Variants in TNIP3 observed in about 807,000 individuals in gnomAD.
TNIP3 encodes the protein TNFAIP3-interacting protein 3.
TNIP3 carries 34 observed loss-of-function variants against 54.1 expected under a neutral mutation model. The observed-to-expected ratio is 0.63, with a 90% confidence interval of 0.48 to 0.84. TNIP3 has a LOEUF of 0.84. TNIP3 is among the 40% of genes least tolerant of loss of function. The pLI is 0.00. For missense variants in TNIP3, 366 were observed against 387.6 expected (o/e 0.94, Z 0.47); for synonymous variants, 134 against 136.8 (o/e 0.98, Z 0.14).
Position 121,150,168 on chromosome 4 carries a change from T to A in TNIP3, c.544A>T (p.Arg182Trp). 2 of 1,613,918 alleles carry A rather than the reference T, an allele frequency of 1.2e-6. No homozygotes were observed. Among genetic ancestry groups the A allele is most frequent in the South Asian group, 2.2e-5 (2 of 91,038 alleles). The stretch of plus-strand genomic sequence containing the variant: ...TGGCAGAATTCCACTCGAGACTTCC[T>A]CAAACAGTCCTCGGAAAATGAACAC... ...IKCSFSEDCL[R>W]KSRVEFCHEE... Residue 182 changes from arginine to tryptophan, a missense_variant, in exon 6 of 11, where the codon AGG becomes TGG. Physicochemically the swap from Arg to Trp is moderately radical, Grantham distance 101 (BLOSUM62 -3). Coordinates refer to ENST00000057513, the MANE Select transcript of TNIP3 (RefSeq NM_024873.6).
chr4:121,137,745 A>T, intron 10 of TNIP3: 1 of 334,024 alleles, frequency 3.0e-6, no homozygotes, highest in Non-Finnish European at 5.9e-6. Context: ...CTGACTTCAA[A>T]CGAGATCAAA....
chr4:121,226,739 A>C (rs989298331), intron 1 of TNIP3, among the ~76,000 whole-genome samples: 2 of 152,322 alleles, frequency 1.3e-5, no homozygotes, highest in South Asian at 2.1e-4. Flanking sequence ...GCTCACACTT[A>C]AATTATTCCT....
At position 121,132,528 on chromosome 4, in the gene TNIP3, T is replaced by C; in HGVS notation, c.*103A>G. The C allele has an allele frequency of 9.3e-7, 1 of 1,076,284 alleles. No homozygotes were observed. 66.7% of individuals were successfully genotyped at this position (1,076,284 alleles called of 1,614,324 possible). On this transcript the variant is annotated 3_prime_UTR_variant, in exon 11 of 11. Transcript: ENST00000057513. ...GACCAGGCACAAATAACAGGGTAGA[T>C]GATGTGCCTTTGTGGCAGAAACAAG...
intron 3 of TNIP3, 75 bp from the exon 4 acceptor site, chr4:121,157,318 A>G: frequency 1.9e-6 from 3 of 1,600,446 alleles, no homozygotes; most frequent in South Asian, 2.2e-5. Context: ...TTCCCAGGCT[A>G]TGAACTTTGG....
intron 9 of TNIP3, among the ~76,000 whole-genome samples, chr4:121,138,955 T>C (rs1005598031): frequency 6.6e-6 from 1 of 152,178 alleles, no homozygotes; most frequent in Non-Finnish European, 1.5e-5. Context: ...AACAGATGTG[T>C]TTTGAATATC....
intron 5 of TNIP3, chr4:121,154,265 A>G: frequency 5.5e-6 from 2 of 363,272 alleles, no homozygotes; most frequent in South Asian, 5.6e-5. Context: ...CACTTGCTTT[A>G]TGTGGTTCTT....
intron 5 of TNIP3, among the ~76,000 whole-genome samples, chr4:121,150,664 G>C (rs1034814999): frequency 6.6e-6 from 1 of 152,198 alleles, no homozygotes; most frequent in Admixed American, 6.5e-5. Flanking sequence ...GGTATGGTTT[G>C]AGAATTTGCA....
intron 2 of TNIP3, among the ~76,000 whole-genome samples, chr4:121,199,735 A>T (rs144609635): frequency 5.5e-4 from 84 of 152,342 alleles, no homozygotes; most frequent in African/African-American, 1.8e-3. Flanking sequence ...CCCAGAATAG[A>T]GGCATCATTC....
rs1344576599 is a variant in TNIP3, at chr4:121,142,796, A to G, written c.736-20T>C. On this transcript the variant is annotated intron_variant, in intron 7 of 10. Coordinates refer to ENST00000057513, the MANE Select transcript of TNIP3 (RefSeq NM_024873.6). The stretch of plus-strand genomic sequence containing the variant: ...TTTTATCTAAAGACAAAACAAAGGC[A>G]TTTGTTAATCAAGACAAGTTAAAAT... 5.6e-6 allele frequency: 9 copies of G among 1,602,218 alleles called. No individual in the cohort carries two copies. Among genetic ancestry groups the G allele is most frequent in the Non-Finnish European group, 7.7e-6 (9 of 1,170,256 alleles).
intron 1 of TNIP3, among the ~76,000 whole-genome samples, chr4:121,227,113 A>T (rs1447950990): frequency 6.6e-6 from 1 of 152,210 alleles, no homozygotes; most frequent in Non-Finnish European, 1.5e-5. Context: ...ATTTTATCTG[A>T]TGTGCACAAA....
upstream of TNIP3, among the ~76,000 whole-genome samples, chr4:121,217,848 A>G (rs1353752287): frequency 6.6e-6 from 1 of 152,234 alleles, no homozygotes; most frequent in Non-Finnish European, 1.5e-5. Context: ...ATTTCCAAGC[A>G]TATGCGAAAT....
chr4:121,146,908 T>C, intron 7 of TNIP3, 141 bp downstream of exon 7: 1 of 837,042 alleles, frequency 1.2e-6, no homozygotes, highest in Non-Finnish European at 1.7e-6. Context: ...TACAAGATTG[T>C]TTAAGAATGA....
At chr4:121,146,705 T>A (rs1488534608) in intron 7 of TNIP3, among the ~76,000 whole-genome samples, 2 of 152,028 alleles carry the variant, frequency 1.3e-5, no homozygotes, top group Non-Finnish European at 2.9e-5. Context: ...TCAAAGAAAA[T>A]GACAAGAATT....
At chr4:121,210,374 T>A (rs977658347) in intron 2 of TNIP3, among the ~76,000 whole-genome samples, 7 of 152,210 alleles carry the variant, frequency 4.6e-5, no homozygotes, top group Non-Finnish European at 8.8e-5. Context: ...TAAGGGAATA[T>A]CTTCTAATAT....
chr4:121,168,888 T>C (rs993217852), upstream of TNIP3, among the ~76,000 whole-genome samples: 6 of 152,346 alleles, frequency 3.9e-5, no homozygotes, highest in East Asian at 1.2e-3. Context: ...GACTGATCTC[T>C]GACTGTGTGT....
At chr4:121,169,750 C>T (rs1187394232) in intron 3 of TNIP3, among the ~76,000 whole-genome samples, 1 of 152,188 alleles carries the variant, frequency 6.6e-6, no homozygotes, top group African/African-American at 2.4e-5. Flanking sequence ...TTTGATCCCC[C>T]AAACCTGGTT....
chr4:121,150,026 C>T, intron 6 of TNIP3, 77 bp downstream of exon 6: 1 of 817,858 alleles, frequency 1.2e-6, no homozygotes, highest in Non-Finnish European at 2.0e-6. Context: ...AGCAGCAAGA[C>T]ATCTAAAAAT....
At chr4:121,138,132 G>C (rs931135573) in intron 10 of TNIP3, 2 of 371,664 alleles carry the variant, frequency 5.4e-6, no homozygotes, top group East Asian at 1.5e-4. Flanking sequence ...TGAGGTGGGC[G>C]TTGTGGGCAA....
chr4:121,210,918 G>A (rs768313173), intron 2 of TNIP3, among the ~76,000 whole-genome samples: 7 of 152,124 alleles, frequency 4.6e-5, no homozygotes, highest in Non-Finnish European at 1.0e-4. Flanking sequence ...GTATGATGTA[G>A]CACAGCAAAA....
Sources: gnomAD v4.1 joint callset for allele counts (sites outside exome capture counted in the v4.1 genomes callset) on GRCh38, gnomAD v4.1.1 for gene constraint, MANE v1.5 for transcripts, NCBI Gene and HGNC (gene_info 2026-07-23, HGNC 2026-07-21) for gene names.